THSD7A: variants seen among roughly 807,000 people sequenced by gnomAD.
The protein encoded by THSD7A is thrombospondin type-1 domain-containing protein 7A.
A neutral mutation model predicts 231.3 loss-of-function variants in THSD7A; 96 were observed. The observed-to-expected ratio is 0.41, with a 90% CI of 0.35 to 0.49. The LOEUF (loss-of-function observed/expected upper bound fraction) is 0.49. Among genes scored for constraint, THSD7A ranks in the 20% least tolerant of loss-of-function variants. THSD7A has a pLI of 0.05. For missense variants in THSD7A, 2,290 were observed against 2,070.2 expected, an observed-to-expected ratio of 1.11 and a Z score of -2.06; for synonymous variants, 940 against 743.3, an observed-to-expected ratio of 1.26 and a Z score of -4.30.
intron 11 of THSD7A, among the ~76,000 whole-genome samples, chr7:11,457,642 T>C (rs1785351911): frequency 6.6e-6 from 1 of 152,112 alleles, no homozygotes; most frequent in Non-Finnish European, 1.5e-5. Flanking sequence ...ATACCACTTA[T>C]CGAACAAGGT....
chr7:11,658,456 G>A (rs1338812534), intron 1 of THSD7A, among the ~76,000 whole-genome samples: 2 of 151,542 alleles, frequency 1.3e-5, no homozygotes, highest in African/African-American at 2.4e-5. Flanking sequence ...CACTCAGATG[G>A]TGTTAATGGT....
chr7:11,769,147 A>ATTTTTTTTTT (rs1562541356), intron 1 of THSD7A, among the ~76,000 whole-genome samples: 4 of 35,650 alleles, frequency 1.1e-4, no homozygotes, highest in African/African-American at 2.6e-4. Context: ...ATATATATAT[A>ATTTTTTTTTT]TATATATTTT....
At chr7:11,405,167 T>A (rs999090176) in intron 22 of THSD7A, among the ~76,000 whole-genome samples, 1 of 151,334 alleles carries the variant, frequency 6.6e-6, no homozygotes, top group Non-Finnish European at 1.5e-5. Context: ...TTTTTTTTTT[T>A]ACGAAGGAAT....
At chr7:11,470,389 G>A (rs1375424573) in intron 8 of THSD7A, among the ~76,000 whole-genome samples, 1 of 151,772 alleles carries the variant, frequency 6.6e-6, no homozygotes, top group East Asian at 1.9e-4. Flanking sequence ...GTATGACTAG[G>A]CCTTTTGCCT....
chr7:11,685,288 G>A (rs1187728720), intron 1 of THSD7A, among the ~76,000 whole-genome samples: 1 of 151,654 alleles, frequency 6.6e-6, no homozygotes, highest in Non-Finnish European at 1.5e-5. Context: ...AAAAAACTAG[G>A]AAGTACTCTT....
chr7:11,499,536 G>A (rs1392387660), intron 6 of THSD7A, among the ~76,000 whole-genome samples: 1 of 152,170 alleles, frequency 6.6e-6, no homozygotes, highest in Non-Finnish European at 1.5e-5. Context: ...TGAGATTCAG[G>A]AGGATGGCAA....
Position 11,428,992 on chromosome 7 carries a change from T to A in THSD7A, c.3198A>T (p.Pro1066=). 8 of 1,613,090 alleles carry A rather than the reference T, an allele frequency of 5.0e-6. No individual in the cohort carries two copies. The highest frequency in any genetic ancestry group is 6.8e-6 in the Non-Finnish European group (8 of 1,179,508). Residue 1066 remains proline, a synonymous_variant, in exon 14 of 28, where the codon CCA becomes CCT. Transcript: ENST00000423059. The part of the protein sequence containing the change: ...KVRSKWLREK[P]YNGGRPCPKL... ...TGGGGCAAGGCCTTCCTCCATTATA[T>A]GGTTTTTCACGCAGCCATTTAGAAC... is the stretch of plus-strand genomic sequence containing the variant.
At chr7:11,738,266 T>C (rs1157508489) in intron 1 of THSD7A, among the ~76,000 whole-genome samples, 2 of 152,014 alleles carry the variant, frequency 1.3e-5, no homozygotes, top group African/African-American at 4.8e-5. Context: ...CAGTCAGTAT[T>C]TCCTTTGAGC....
chr7:11,516,298 C>A (rs941724677), intron 6 of THSD7A, among the ~76,000 whole-genome samples: 6 of 152,042 alleles, frequency 3.9e-5, no homozygotes, highest in African/African-American at 1.4e-4. Flanking sequence ...ATGCATTGAC[C>A]CATTTTTGAA....
intron 6 of THSD7A, among the ~76,000 whole-genome samples, chr7:11,535,451 A>G (rs973997638): frequency 6.6e-6 from 1 of 152,026 alleles, no homozygotes; most frequent in African/African-American, 2.4e-5. Flanking sequence ...AATTTTCTAA[A>G]AGGTTATAAT....
chr7:11,623,529 A>G (rs1781383845), intron 2 of THSD7A, among the ~76,000 whole-genome samples: 1 of 152,092 alleles, frequency 6.6e-6, no homozygotes, highest in African/African-American at 2.4e-5. Flanking sequence ...ATCATCTATT[A>G]TAAAAGAAAA....
At chr7:11,460,889 C>T (rs1204860743) in intron 10 of THSD7A, 124 bp from the exon 11 acceptor site, 2 of 672,520 alleles carry the variant, frequency 3.0e-6, no homozygotes, top group African/African-American at 1.8e-5. Context: ...ATGCTCAGTT[C>T]TATCTAAATT....
intron 1 of THSD7A, among the ~76,000 whole-genome samples, chr7:11,745,230 A>G (rs2128162559): frequency 6.6e-6 from 1 of 152,192 alleles, no homozygotes; most frequent in Admixed American, 6.5e-5. Flanking sequence ...TTTTGGCTGC[A>G]TAAATGTCTT....
chr7:11,803,957 G>T (rs754475847), intron 1 of THSD7A, among the ~76,000 whole-genome samples: 26 of 152,142 alleles, frequency 1.7e-4, no homozygotes, highest in Admixed American at 7.9e-4. Context: ...TGTACTGAAA[G>T]ATGACAAATA....
rs769462347 is a variant in THSD7A at position 11,462,063 on chromosome 7, G to T, written c.2449C>A (p.Pro817Thr). 8 of 1,613,670 alleles carry T rather than the reference G, an allele frequency of 5.0e-6. No individual in the cohort carries two copies. Among genetic ancestry groups the T allele is most frequent in the Admixed American group, 1.7e-5 (1 of 59,992 alleles). Reference protein sequence around the residue: ...PANGGRDCTDPLYEEKACEAP... With the variant: ...PANGGRDCTDTLYEEKACEAP... ...TCACAGGCCTTCTCTTCATAGAGGG[G>T]ATCTGTGCAGTCTCGGCCCCCGTTG... Residue 817 changes from proline to threonine, a missense_variant, in exon 10 of 28, where the codon CCC (proline) becomes ACC (threonine). Pro to Thr is a conservative substitution (Grantham distance 38). Coordinates refer to ENST00000423059, the MANE Select transcript of THSD7A (RefSeq NM_015204.3).
At chr7:11,470,377 T>C (rs1785888417) in intron 8 of THSD7A, among the ~76,000 whole-genome samples, 1 of 152,074 alleles carries the variant, frequency 6.6e-6, no homozygotes, top group Non-Finnish European at 1.5e-5. Flanking sequence ...TGATACATAT[T>C]TGTATGACTA....
Position 11,636,932 on chromosome 7 carries a change from A to T in THSD7A, c.220T>A (p.Cys74Ser). Residue 74 changes from cysteine to serine, a missense_variant, in exon 2 of 28, where the codon TGT (cysteine) becomes AGT (serine). Cys to Ser is a moderately radical substitution (Grantham distance 112). Transcript: ENST00000423059. The surrounding 1 kb of genome is among the most constrained non-coding windows in gnomAD (Gnocchi z 10.0). Reference sequence around the variant, plus strand: ...CTCGTTTGGATGCCTCCGGGACCACATTCATCTCCCATACATCGGCCCCAT... The same window carrying T: ...CTCGTTTGGATGCCTCCGGGACCACTTTCATCTCCCATACATCGGCCCCAT... Reference protein sequence around the residue: ...GPWGRCMGDECGPGGIQTRAV... With the variant: ...GPWGRCMGDESGPGGIQTRAV... The T allele has an allele frequency of 6.2e-7, 1 of 1,611,804 alleles. No individual in the cohort carries two copies. Among genetic ancestry groups the T allele is most frequent in the Non-Finnish European group, 8.5e-7 (1 of 1,179,390 alleles).
At position 11,428,964 on chromosome 7, in the gene THSD7A, G is replaced by C. The variant is rs1446528451; in HGVS notation, c.3226C>G (p.Leu1076Val). ...GAAAATACCTGGTTGACATGGTCCA[G>C]TTTGGGGCAAGGCCTTCCTCCATTA... ...PYNGGRPCPKLDHVNQAQVYE... is the reference protein window; with the variant it reads ...PYNGGRPCPKVDHVNQAQVYE... Residue 1076 changes from leucine to valine, a missense_variant, in exon 14 of 28, where the codon CTG (leucine) becomes GTG (valine). By Grantham distance (32) the Leu-to-Val change is conservative. Transcript: ENST00000423059. 1.9e-6 allele frequency: 3 copies of C among 1,610,164 alleles called. No homozygotes were observed. In the Admixed American group the frequency reaches 5.1e-5, roughly 27 times the overall value.
At chr7:11,668,145 A>C (rs938334224) in intron 1 of THSD7A, among the ~76,000 whole-genome samples, 8 of 152,074 alleles carry the variant, frequency 5.3e-5, no homozygotes, top group Non-Finnish European at 7.4e-5. Context: ...TCCTCAAAAG[A>C]AATGGAAGGC....
Sources: gnomAD v4.1 joint callset for allele counts (sites outside exome capture counted in the v4.1 genomes callset) on GRCh38, gnomAD v4.1.1 for gene constraint, Gnocchi (gnomAD v3.1) non-coding constraint, MANE v1.5 for transcripts, NCBI Gene and HGNC (gene_info 2026-07-23, HGNC 2026-07-21) for gene names.